PLD5: variants seen among roughly 807,000 people sequenced by gnomAD.
PLD5 encodes inactive phospholipase D5.
In PLD5, 36 loss-of-function variants were observed where a neutral mutation model predicts 61.1. The observed-to-expected ratio is 0.59, with a 90% CI of 0.45 to 0.78. The LOEUF is 0.78. Among genes scored for constraint, PLD5 ranks in the 30% least tolerant of loss-of-function variants. The pLI is 0.00. For missense variants in PLD5, 515 were observed against 644.4 expected (o/e 0.80, Z 2.17); for synonymous variants, 243 against 242.8 (o/e 1.00, Z -0.01).
chr1:242,207,912 A>ATT lies in PLD5; in HGVS notation c.735+12074_735+12075dup, dbSNP rs1332748439. 1.9e-4 allele frequency among the ~76,000 whole-genome samples: 8 copies of ATT among 41,356 alleles called. 1 individual carries two copies. Among genetic ancestry groups the ATT allele is most frequent in the Admixed American group, 4.8e-4 (1 of 2,102 alleles). 27.1% of individuals were successfully genotyped at this position (41,356 alleles called of 152,430 possible). A position where few individuals can be genotyped will look rare whatever the true frequency, so the allele number is the denominator to read the frequency against. On this transcript the variant is annotated intron_variant, in intron 5 of 9. Transcript: ENST00000536534. The stretch of plus-strand genomic sequence containing the variant: ...TATATATATTTATATATTTATATAT[A>ATT]TTTATATATTTATATATATTTATAT...
At chr1:242,253,416 C>T (rs1672830447) in intron 4 of PLD5, among the ~76,000 whole-genome samples, 1 of 151,094 alleles carries the variant, frequency 6.6e-6, no homozygotes. Context: ...GGGGTTCACG[C>T]CATTCTCCTG....
chr1:242,485,636 T>A (rs1667934784), intron 1 of PLD5, among the ~76,000 whole-genome samples: 1 of 152,244 alleles, frequency 6.6e-6, no homozygotes, highest in Admixed American at 6.5e-5. Flanking sequence ...ATGGCCATAC[T>A]GCCCAAGGTA....
chr1:242,301,765 C>CATTATTATTATTAATT (rs1553344586), intron 2 of PLD5, among the ~76,000 whole-genome samples: 6 of 141,034 alleles, frequency 4.3e-5, no homozygotes, highest in Non-Finnish European at 9.1e-5. Context: ...TTTTTTAAAA[C>CATTATTATTATTAATT]ATTATTATTA....
intron 4 of PLD5, among the ~76,000 whole-genome samples, chr1:242,264,307 A>G (rs1673533564): frequency 6.6e-6 from 1 of 152,200 alleles, no homozygotes; most frequent in Non-Finnish European, 1.5e-5. Context: ...TTTCAAACAT[A>G]CGATTATCTC....
chr1:242,347,549 A>G (rs1253290399), intron 2 of PLD5, among the ~76,000 whole-genome samples: 2 of 152,130 alleles, frequency 1.3e-5, no homozygotes, highest in Non-Finnish European at 2.9e-5. Context: ...CCCCCAGGAA[A>G]TGCTACTTAA....
At chr1:242,468,747 C>T (rs6702736) in intron 1 of PLD5, among the ~76,000 whole-genome samples, 57,717 of 151,802 alleles carry the variant, frequency 0.38, 11,362 homozygotes, top group African/African-American at 0.48. Context: ...TTTTTCCCAT[C>T]AATTTCTTTG....
intron 3 of PLD5, among the ~76,000 whole-genome samples, chr1:242,285,048 A>G (rs1674940026): frequency 6.6e-6 from 1 of 152,224 alleles, no homozygotes; most frequent in Admixed American, 6.5e-5. Flanking sequence ...ACCAGAAGAC[A>G]TTATTCTAAA....
intron 1 of PLD5, among the ~76,000 whole-genome samples, chr1:242,501,552 T>C (rs922212264): frequency 6.6e-6 from 1 of 152,154 alleles, no homozygotes; most frequent in Non-Finnish European, 1.5e-5. Context: ...TTCTCAATGA[T>C]CAATGCTCAT....
intron 5 of PLD5, among the ~76,000 whole-genome samples, chr1:242,139,472 G>A (rs1274408525): frequency 6.6e-6 from 1 of 151,844 alleles, no homozygotes; most frequent in African/African-American, 2.4e-5. Flanking sequence ...CTCTCGAACT[G>A]CTTCCTGTGC....
At chr1:242,308,574 T>C (rs1316822811) in intron 2 of PLD5, among the ~76,000 whole-genome samples, 1 of 152,116 alleles carries the variant, frequency 6.6e-6, no homozygotes, top group East Asian at 1.9e-4. Flanking sequence ...TATGCATATA[T>C]ACATATACTA....
intron 4 of PLD5, among the ~76,000 whole-genome samples, chr1:242,225,300 G>A (rs749930795): frequency 1.3e-5 from 2 of 152,150 alleles, no homozygotes; most frequent in Non-Finnish European, 2.9e-5. Context: ...CATAACGCAT[G>A]TAAGACCCAT....
intron 1 of PLD5, among the ~76,000 whole-genome samples, chr1:242,522,699 T>C (rs961880559): frequency 1.3e-5 from 2 of 152,182 alleles, no homozygotes; most frequent in African/African-American, 4.8e-5. Flanking sequence ...TTTGCCCCCT[T>C]TAAACTAATA....
At chr1:242,226,637 G>A (rs892054586) in intron 4 of PLD5, among the ~76,000 whole-genome samples, 2 of 152,160 alleles carry the variant, frequency 1.3e-5, no homozygotes, top group African/African-American at 4.8e-5. Context: ...CCAGTTGGTC[G>A]TACTAATCAA....
intron 4 of PLD5, among the ~76,000 whole-genome samples, chr1:242,221,938 G>A (rs1402568364): frequency 6.6e-6 from 1 of 152,156 alleles, no homozygotes; most frequent in Non-Finnish European, 1.5e-5. Context: ...TAAAACAGCA[G>A]AAACTTATCC....
At chr1:242,316,332 C>T (rs1657966176) in intron 2 of PLD5, among the ~76,000 whole-genome samples, 1 of 152,148 alleles carries the variant, frequency 6.6e-6, no homozygotes, top group Admixed American at 6.5e-5. Flanking sequence ...TGGAGGGGCT[C>T]CTTCAGGAAA....
At chr1:242,493,733 G>A (rs546332031) in intron 1 of PLD5, among the ~76,000 whole-genome samples, 12 of 152,198 alleles carry the variant, frequency 7.9e-5, no homozygotes, top group African/African-American at 2.4e-4. Flanking sequence ...CTCCAGCAGA[G>A]GATAGTTACA....
At chr1:242,230,570 C>A (rs1275791721) in intron 4 of PLD5, among the ~76,000 whole-genome samples, 1 of 151,984 alleles carries the variant, frequency 6.6e-6, no homozygotes, top group Non-Finnish European at 1.5e-5. Context: ...ATTTAATTAC[C>A]AACATTTTAG....
chr1:242,130,097 G>T (rs1351422549), intron 5 of PLD5, among the ~76,000 whole-genome samples: 2 of 151,100 alleles, frequency 1.3e-5, no homozygotes, highest in South Asian at 2.1e-4. Context: ...TGTCGCCCAG[G>T]CTGGAGTGCA....
chr1:242,475,166 C>A (rs1262391922), intron 1 of PLD5, among the ~76,000 whole-genome samples: 1 of 152,202 alleles, frequency 6.6e-6, no homozygotes, highest in East Asian at 1.9e-4. Flanking sequence ...CATAGAGATG[C>A]ATGTGCGTGT....
Sources: allele counts gnomAD v4.1 joint callset (sites outside exome capture counted in the v4.1 genomes callset), GRCh38; gene constraint gnomAD v4.1.1; transcripts MANE v1.5; gene names NCBI Gene and HGNC (gene_info 2026-07-23, HGNC 2026-07-21).